Variants in FTCDNL1 observed in about 807,000 individuals in gnomAD.
FTCDNL1 encodes the protein formiminotransferase N-terminal subdomain-containing protein.
FTCDNL1 carries 11 observed loss-of-function variants against 5.9 expected under a neutral mutation model. The observed-to-expected ratio is 1.87, with a 90% CI of 1.18 to 3.10. FTCDNL1 has a LOEUF of 3.10. Among genes scored for constraint, FTCDNL1 ranks in the 30% most tolerant of loss-of-function variants. The pLI, the probability that FTCDNL1 is intolerant of heterozygous loss-of-function variation, is 0.00. For missense variants in FTCDNL1, 115 were observed against 65.5 expected (o/e 1.76, Z -2.61); for synonymous variants, 58 against 24.8 (o/e 2.34, Z -3.99).
At chr2:199,843,787 A>T (rs1366317856) in intron 3 of FTCDNL1, among the ~76,000 whole-genome samples, 1 of 152,208 alleles carries the variant, frequency 6.6e-6, no homozygotes, top group Non-Finnish European at 1.5e-5. Flanking sequence ...ACAGTTAGAC[A>T]GTCCAGGCAA....
chr2:199,684,439 ACCC>A, the FTCDNL1 span, among the ~76,000 whole-genome samples: 2 of 152,164 alleles, frequency 1.3e-5, no homozygotes, highest in African/African-American at 4.8e-5. Flanking sequence ...TTGCTAATTT[ACCC>A]CCAAGTATGT....
the FTCDNL1 span, among the ~76,000 whole-genome samples, chr2:199,740,971 G>A: frequency 5.3e-5 from 8 of 152,158 alleles, no homozygotes; most frequent in African/African-American, 1.4e-4. Context: ...TGTCTCACAA[G>A]TCTTCATTCA....
the FTCDNL1 span, among the ~76,000 whole-genome samples, chr2:199,683,364 C>T: frequency 6.6e-6 from 1 of 152,106 alleles, no homozygotes; most frequent in East Asian, 1.9e-4. Flanking sequence ...TTACTGCTTA[C>T]ACATGCTACA....
the FTCDNL1 span, among the ~76,000 whole-genome samples, chr2:199,727,198 C>T: frequency 2.4e-4 from 36 of 152,318 alleles, no homozygotes; most frequent in East Asian, 2.3e-3. Context: ...CTGCCACAGC[C>T]GCTGTGCTGC....
the FTCDNL1 span, among the ~76,000 whole-genome samples, chr2:199,742,939 G>A: frequency 6.6e-6 from 1 of 152,216 alleles, no homozygotes; most frequent in Non-Finnish European, 1.5e-5. Flanking sequence ...CCACCTGTTA[G>A]GTTCTTGGGG....
At chr2:199,776,074 T>C (rs976764634) in intron 3 of FTCDNL1, among the ~76,000 whole-genome samples, 5 of 152,024 alleles carry the variant, frequency 3.3e-5, no homozygotes, top group Non-Finnish European at 7.4e-5. Flanking sequence ...CCACCACGCC[T>C]GGCTAATTTT....
chr2:199,778,870 C>T (rs1212547269), intron 3 of FTCDNL1, among the ~76,000 whole-genome samples: 1 of 152,126 alleles, frequency 6.6e-6, no homozygotes, highest in African/African-American at 2.4e-5. Flanking sequence ...AGGATATTTA[C>T]TGACTGTAAT....
intron 3 of FTCDNL1, among the ~76,000 whole-genome samples, chr2:199,771,412 G>A (rs1274992977): frequency 1.3e-5 from 2 of 152,172 alleles, no homozygotes; most frequent in Non-Finnish European, 2.9e-5. Context: ...TCATGGAATT[G>A]AGAACTGTGC....
rs1701019825 is a variant in FTCDNL1, at chr2:199,811,251, G to A, written c.*1454C>T. On this transcript the variant is annotated 3_prime_UTR_variant, in exon 5 of 5. Coordinates refer to ENST00000420128, the MANE Select transcript of FTCDNL1 (RefSeq NM_001363886.2). ...TATATCAGTTTTAACATTGCACAGAGTATAATTGGAATTTTTGTCAATCTT... is the reference window on the plus strand; with the variant it reads ...TATATCAGTTTTAACATTGCACAGAATATAATTGGAATTTTTGTCAATCTT... Among the ~76,000 whole-genome samples the A allele has an allele frequency of 6.6e-6, 1 of 152,126 alleles. No individual in the cohort carries two copies.
At chr2:199,729,367 G>T in the FTCDNL1 span, among the ~76,000 whole-genome samples, 1 of 152,192 alleles carries the variant, frequency 6.6e-6, no homozygotes, top group South Asian at 2.1e-4. Context: ...TCAGGCAAGA[G>T]AAAGAAATAA....
chr2:199,844,746 C>G (rs947649112), intron 3 of FTCDNL1, among the ~76,000 whole-genome samples: 2 of 152,012 alleles, frequency 1.3e-5, no homozygotes, highest in African/African-American at 4.8e-5. Flanking sequence ...TTTTTCCTCC[C>G]CAAAGTGGGA....
intron 4 of FTCDNL1, chr2:199,819,340 C>A (rs1306865345): frequency 3.7e-6 from 2 of 534,514 alleles, no homozygotes; most frequent in Non-Finnish European, 6.7e-6. Context: ...AATGATATAT[C>A]TTGAATATCA....
At chr2:199,842,331 A>G (rs1425210815) in intron 3 of FTCDNL1, among the ~76,000 whole-genome samples, 1 of 152,158 alleles carries the variant, frequency 6.6e-6, no homozygotes, top group Non-Finnish European at 1.5e-5. Flanking sequence ...GACTCATTTC[A>G]TAACATTCCC....
chr2:199,826,187 C>A (rs1702018840), intron 3 of FTCDNL1, among the ~76,000 whole-genome samples: 1 of 152,132 alleles, frequency 6.6e-6, no homozygotes, highest in African/African-American at 2.4e-5. Flanking sequence ...AAAGGAGATT[C>A]TTTAATCTGG....
chr2:199,720,781 G>A, the FTCDNL1 span, among the ~76,000 whole-genome samples: 1 of 151,784 alleles, frequency 6.6e-6, no homozygotes, highest in African/African-American at 2.4e-5. Context: ...CAGGTTCCAA[G>A]TAGACATATC....
At chr2:199,792,046 T>C (rs1284575322) in intron 3 of FTCDNL1, among the ~76,000 whole-genome samples, 1 of 152,120 alleles carries the variant, frequency 6.6e-6, no homozygotes, top group Non-Finnish European at 1.5e-5. Flanking sequence ...ATGAATTTTG[T>C]CTTTTCCTCC....
At position 199,812,536 on chromosome 2, in the gene FTCDNL1, G is replaced by A; in HGVS notation, c.*169C>T. The A allele has an allele frequency of 4.4e-6, 2 of 458,874 alleles. No individual in the cohort carries two copies. The highest frequency in any genetic ancestry group is 7.7e-6 in the Non-Finnish European group (2 of 260,400). 28.4% of individuals were successfully genotyped at this position (458,874 alleles called of 1,614,324 possible). ...TCTAGTTAAATGTCATATAATTAAA[G>A]TAATTCCACTTTTTGCTCTAAAATT... On this transcript the variant is annotated 3_prime_UTR_variant, in exon 5 of 5. Coordinates refer to ENST00000420128, the MANE Select transcript of FTCDNL1 (RefSeq NM_001363886.2).
At chr2:199,686,260 C>A in the FTCDNL1 span, among the ~76,000 whole-genome samples, 3 of 152,310 alleles carry the variant, frequency 2.0e-5, no homozygotes, top group African/African-American at 4.8e-5. Context: ...TACACCACTA[C>A]ATAGTTTAAA....
At chr2:199,749,492 C>T in the FTCDNL1 span, among the ~76,000 whole-genome samples, 1 of 151,880 alleles carries the variant, frequency 6.6e-6, no homozygotes, top group Non-Finnish European at 1.5e-5. Context: ...GCAAATGAGA[C>T]TAGTCATTTG....
Sources: allele counts gnomAD v4.1 joint callset (sites outside exome capture counted in the v4.1 genomes callset), GRCh38; gene constraint gnomAD v4.1.1; transcripts MANE v1.5; gene names NCBI Gene and HGNC (gene_info 2026-07-23, HGNC 2026-07-21).